Variants in KSR1 observed in about 807,000 individuals in gnomAD.
The protein encoded by KSR1 is kinase suppressor of ras.
A neutral mutation model predicts 92.9 loss-of-function variants in KSR1; 35 were observed. That is an observed-to-expected ratio of 0.38 (90% CI 0.29 to 0.50). The LOEUF (loss-of-function observed/expected upper bound fraction) is 0.50. Among genes scored for constraint, KSR1 ranks in the 20% least tolerant of loss-of-function variants. The probability of loss-of-function intolerance (pLI) is 0.94; values close to 1 mark genes in which losing one functional copy is unlikely to be tolerated. For missense variants in KSR1, 972 were observed against 1,158.5 expected (o/e 0.84, Z 2.34); for synonymous variants, 467 against 472.6 (o/e 0.99, Z 0.15).
Position 27,526,096 on chromosome 17 carries a change from C to CTTTCTT in KSR1, c.232-24471_232-24470insTTCTTT, listed in dbSNP as rs745956787. On this transcript the variant is annotated intron_variant, in intron 1 of 20. Transcript: ENST00000644974. ...TCTTTCTTTCTTTCTTTCTTTCTTT[C>CTTTCTT]TCTCTCTCTCTCTCTCTCTCTCATG... 3.8e-3 allele frequency among the ~76,000 whole-genome samples: 433 copies of CTTTCTT among 112,682 alleles called. 14 individuals carry two copies. The highest frequency in any genetic ancestry group is 0.016 in the African/African-American group (389 of 24,224). 73.9% of individuals were successfully genotyped at this position (112,682 alleles called of 152,430 possible).
intron 18 of KSR1, among the ~76,000 whole-genome samples, chr17:27,616,269 T>C (rs1460219341): frequency 1.3e-5 from 2 of 152,234 alleles, no homozygotes; most frequent in Admixed American, 1.3e-4. Context: ...CAGAATTTGG[T>C]TCTTCTTAGT....
intron 11 of KSR1, 80 bp downstream of exon 11, chr17:27,601,481 C>G (rs1171575393): frequency 8.5e-7 from 1 of 1,175,002 alleles, no homozygotes; most frequent in African/African-American, 1.5e-5. Context: ...GGCGCCCTCT[C>G]TCTGGGTACC....
chr17:27,551,523 C>T (rs2071395659), intron 2 of KSR1, among the ~76,000 whole-genome samples: 1 of 152,030 alleles, frequency 6.6e-6, no homozygotes, highest in Non-Finnish European at 1.5e-5. Flanking sequence ...CACATACATA[C>T]TCCTAACACT....
intron 2 of KSR1, among the ~76,000 whole-genome samples, chr17:27,553,795 G>C (rs1040442495): frequency 1.3e-5 from 2 of 152,234 alleles, no homozygotes; most frequent in African/African-American, 4.8e-5. Flanking sequence ...AGTAAACCCA[G>C]CTTCAGCTCC....
At chr17:27,532,979 G>T (rs1487833866) in intron 1 of KSR1, among the ~76,000 whole-genome samples, 1 of 152,318 alleles carries the variant, frequency 6.6e-6, no homozygotes, top group Admixed American at 6.5e-5. Flanking sequence ...GGTGACGTTG[G>T]GTTGGCTTCC....
intron 6 of KSR1, 146 bp from the exon 7 acceptor site, chr17:27,590,665 A>G (rs2073133592): frequency 3.1e-6 from 2 of 641,162 alleles, no homozygotes; most frequent in South Asian, 1.9e-5. Flanking sequence ...GCCCGTGGGT[A>G]TCTCTGTCCT....
chr17:27,619,859 C>T (rs1366606428), intron 19 of KSR1, among the ~76,000 whole-genome samples: 1 of 152,172 alleles, frequency 6.6e-6, no homozygotes, highest in African/African-American at 2.4e-5. Context: ...ATTATAGGTG[C>T]CTGCCACCAC....
intron 1 of KSR1, among the ~76,000 whole-genome samples, chr17:27,505,898 C>A (rs1290386503): frequency 6.6e-6 from 1 of 152,168 alleles, no homozygotes; most frequent in African/African-American, 2.4e-5. Flanking sequence ...TCTCAGCCCA[C>A]CCACTATGGG....
chr17:27,508,406 G>A (rs1425702627), intron 1 of KSR1, among the ~76,000 whole-genome samples: 2 of 152,150 alleles, frequency 1.3e-5, no homozygotes, highest in Non-Finnish European at 2.9e-5. Flanking sequence ...GTGCTGTGAT[G>A]TCCATTTTGC....
chr17:27,527,391 G>A (rs867708967), intron 1 of KSR1, among the ~76,000 whole-genome samples: 3 of 26,180 alleles, frequency 1.1e-4, no homozygotes, highest in Non-Finnish European at 2.5e-4. Flanking sequence ...TGGCACACCC[G>A]CCCCCCCCCC....
intron 1 of KSR1, among the ~76,000 whole-genome samples, chr17:27,488,797 C>G (rs569703045): frequency 6.6e-6 from 1 of 152,328 alleles, no homozygotes; most frequent in East Asian, 1.9e-4. Flanking sequence ...AACCCTGTCT[C>G]TACTAAAAAC....
chr17:27,484,199 C>T (rs1435166168), intron 1 of KSR1, among the ~76,000 whole-genome samples: 2 of 152,184 alleles, frequency 1.3e-5, no homozygotes, highest in African/African-American at 4.8e-5. Flanking sequence ...GGGTTCTGTC[C>T]TTTTCACAGA....
At chr17:27,522,081 G>A (rs935818142) in intron 1 of KSR1, among the ~76,000 whole-genome samples, 3 of 152,168 alleles carry the variant, frequency 2.0e-5, no homozygotes, top group Non-Finnish European at 4.4e-5. Context: ...CTTATACACT[G>A]GTACCTGGCC....
chr17:27,469,457 C>T (rs746160341), intron 1 of KSR1, among the ~76,000 whole-genome samples: 8 of 152,112 alleles, frequency 5.3e-5, no homozygotes, highest in Admixed American at 1.3e-4. Flanking sequence ...GACATTGAGG[C>T]GTGCATTGAG....
At chr17:27,555,063 CT>C (rs1359195185) in intron 2 of KSR1, among the ~76,000 whole-genome samples, 1 of 152,200 alleles carries the variant, frequency 6.6e-6, no homozygotes, top group Non-Finnish European at 1.5e-5. Context: ...TGTCCTCTCT[CT>C]TTTCTGGGAT....
At chr17:27,554,873 T>C (rs960531230) in intron 2 of KSR1, among the ~76,000 whole-genome samples, 3 of 152,228 alleles carry the variant, frequency 2.0e-5, no homozygotes, top group African/African-American at 4.8e-5. Flanking sequence ...GGAATAATTT[T>C]AGATTTACAG....
chr17:27,599,113 G>A (rs991831603), intron 10 of KSR1, among the ~76,000 whole-genome samples: 6 of 152,200 alleles, frequency 3.9e-5, no homozygotes, highest in East Asian at 1.9e-4. Context: ...CACACGCCTC[G>A]GCTGTGTGGT....
At chr17:27,477,561 G>A (rs770177625) in intron 1 of KSR1, among the ~76,000 whole-genome samples, 11 of 152,156 alleles carry the variant, frequency 7.2e-5, no homozygotes, top group Non-Finnish European at 2.9e-5. Context: ...GGACTGTGGG[G>A]TGGTACAAGT....
intron 1 of KSR1, among the ~76,000 whole-genome samples, chr17:27,533,054 T>TG (rs1356919316): frequency 6.6e-6 from 1 of 152,166 alleles, no homozygotes; most frequent in Non-Finnish European, 1.5e-5. Context: ...ATTGGCCTGA[T>TG]GGACAGTAGG....
Sources: gnomAD v4.1 joint callset for allele counts (sites outside exome capture counted in the v4.1 genomes callset) on GRCh38, gnomAD v4.1.1 for gene constraint, MANE v1.5 for transcripts, NCBI Gene and HGNC (gene_info 2026-07-23, HGNC 2026-07-21) for gene names.